The following NALF1 variants were observed in gnomAD, a reference collection of about 807,000 sequenced individuals.
NALF1 encodes NALCN channel auxiliary factor 1.
NALF1 carries 3 observed loss-of-function variants against 48.4 expected under a neutral mutation model. The ratio of observed to expected loss-of-function variants is 0.06; its 90% confidence interval spans 0.03 to 0.16. NALF1 has a LOEUF of 0.16. Ranked by LOEUF, NALF1 falls within the 10% of genes least tolerant of loss-of-function variation. The pLI, the probability that NALF1 is intolerant of heterozygous loss-of-function variation, is 1.00. For missense variants in NALF1, 526 were observed against 571.5 expected (o/e 0.92, Z 0.81); for synonymous variants, 262 against 245.7 (o/e 1.07, Z -0.62).
intron 1 of NALF1, among the ~76,000 whole-genome samples, chr13:107,271,810 A>ATTTATTTATTTATT (rs1287963208): frequency 1.4e-4 from 2 of 13,826 alleles, no homozygotes; most frequent in East Asian, 1.7e-3. Context: ...ATATATATAT[A>ATTTATTTATTTATT]TATATATTTA....
intron 1 of NALF1, among the ~76,000 whole-genome samples, chr13:107,396,318 T>A (rs577137044): frequency 6.6e-6 from 1 of 152,304 alleles, no homozygotes; most frequent in East Asian, 1.9e-4. Flanking sequence ...CAGCTCTTAA[T>A]GGAAGCGTTC....
intron 1 of NALF1, among the ~76,000 whole-genome samples, chr13:107,570,850 T>A (rs1239551974): frequency 6.6e-6 from 1 of 152,058 alleles, no homozygotes. Flanking sequence ...AACAGCTATA[T>A]CCTTTGCACT....
chr13:107,558,004 C>T (rs770695501), intron 1 of NALF1, among the ~76,000 whole-genome samples: 1 of 151,912 alleles, frequency 6.6e-6, no homozygotes, highest in African/African-American at 2.4e-5. Context: ...GGAAAGGTGT[C>T]GGCATTCAGA....
intron 1 of NALF1, among the ~76,000 whole-genome samples, chr13:107,703,623 T>C (rs1287973857): frequency 1.3e-5 from 2 of 152,108 alleles, no homozygotes; most frequent in Non-Finnish European, 2.9e-5. Context: ...AAAGTGCATT[T>C]GCTTAATTTT....
intron 1 of NALF1, among the ~76,000 whole-genome samples, chr13:107,634,719 G>C (rs1403111734): frequency 6.6e-6 from 1 of 152,070 alleles, no homozygotes; most frequent in East Asian, 1.9e-4. Context: ...CAGAACTGCT[G>C]TGGTGAAAAA....
intron 1 of NALF1, among the ~76,000 whole-genome samples, chr13:107,517,941 G>A (rs142293637): frequency 4.2e-4 from 64 of 152,214 alleles, no homozygotes; most frequent in Middle Eastern, 6.8e-3. Flanking sequence ...ATGACACAGC[G>A]AGACACCATC....
intron 1 of NALF1, among the ~76,000 whole-genome samples, chr13:107,619,423 G>T (rs1351576763): frequency 6.6e-6 from 1 of 152,148 alleles, no homozygotes; most frequent in Admixed American, 6.5e-5. Flanking sequence ...CCATCATGAA[G>T]TATCTCATTG....
intron 1 of NALF1, among the ~76,000 whole-genome samples, chr13:107,311,957 C>T (rs1160042964): frequency 1.3e-5 from 2 of 152,142 alleles, no homozygotes; most frequent in Non-Finnish European, 2.9e-5. Flanking sequence ...AATAGGAACA[C>T]TTTTACACTG....
chr13:107,474,651 G>A (rs1247610392), intron 1 of NALF1, among the ~76,000 whole-genome samples: 2 of 152,186 alleles, frequency 1.3e-5, no homozygotes, highest in Non-Finnish European at 2.9e-5. Context: ...TTCAATCAAT[G>A]TATCTGCAGG....
intron 2 of NALF1, among the ~76,000 whole-genome samples, chr13:107,177,322 TA>T (rs926584700): frequency 2.0e-5 from 3 of 152,236 alleles, no homozygotes; most frequent in East Asian, 3.9e-4. Context: ...GCAATCCCTA[TA>T]AAAAAATTAG....
At chr13:107,270,462 G>C (rs1881138220) in intron 1 of NALF1, among the ~76,000 whole-genome samples, 1 of 152,080 alleles carries the variant, frequency 6.6e-6, no homozygotes. Context: ...TAAAAATTAT[G>C]TATTTAGCAG....
chr13:107,226,036 A>C (rs1880096565), intron 1 of NALF1, among the ~76,000 whole-genome samples: 1 of 152,140 alleles, frequency 6.6e-6, no homozygotes, highest in Admixed American at 6.5e-5. Context: ...CTATGGCTTC[A>C]ATAGTCTTTA....
At chr13:107,813,958 A>C (rs1879083914) in intron 1 of NALF1, among the ~76,000 whole-genome samples, 1 of 152,196 alleles carries the variant, frequency 6.6e-6, no homozygotes, top group Non-Finnish European at 1.5e-5. Flanking sequence ...GTAGGTATCC[A>C]AAATACATAG....
intron 1 of NALF1, among the ~76,000 whole-genome samples, chr13:107,317,010 T>C (rs931182379): frequency 6.6e-6 from 1 of 152,136 alleles, no homozygotes; most frequent in Non-Finnish European, 1.5e-5. Flanking sequence ...AAATGAAAGA[T>C]CTTTTCTAGG....
chr13:107,861,600 T>C lies in NALF1; in HGVS notation c.915+4082A>G, dbSNP rs149754389. Among the ~76,000 whole-genome samples the C allele has an allele frequency of 4.5e-3, 679 of 152,278 alleles. 5 individuals carry two copies. Among genetic ancestry groups the C allele is most frequent in the African/African-American group, 0.016 (652 of 41,562 alleles). ...GAGATCGAGACCATCCTGGCTTACA[T>C]GATGAAACACCATCTCTATGAAAAA... On this transcript the variant is annotated intron_variant, in intron 1 of 2. Coordinates refer to ENST00000375915, the MANE Select transcript of NALF1 (RefSeq NM_001080396.3).
chr13:107,488,575 C>G (rs373785498), intron 1 of NALF1, among the ~76,000 whole-genome samples: 36 of 152,086 alleles, frequency 2.4e-4, no homozygotes, highest in Admixed American at 1.3e-3. Context: ...ATTCAACATC[C>G]CTTTATGTTA....
At chr13:107,351,778 T>C (rs920096933) in intron 1 of NALF1, among the ~76,000 whole-genome samples, 1 of 152,220 alleles carries the variant, frequency 6.6e-6, no homozygotes, top group African/African-American at 2.4e-5. Flanking sequence ...TTTTTTAGGT[T>C]GACACTGTCA....
Position 107,866,154 on chromosome 13 carries a change from C to A in NALF1, c.443G>T (p.Gly148Val), listed in dbSNP as rs375243719. The change falls in exon 1 of 3, where the codon GGC (glycine) becomes GTC (valine). Residue 148 changes from glycine to valine, a missense_variant. By Grantham distance (109) the Gly-to-Val change is moderately radical (BLOSUM62 -3). This residue lies in a region of NALF1 where 373 missense variants were observed against 355.5 expected (regional missense o/e 1.05). Coordinates refer to ENST00000375915, the MANE Select transcript of NALF1 (RefSeq NM_001080396.3). This position sits in a 1 kb window ranked among gnomAD's most constrained non-coding sequence, Gnocchi z 4.4. ...AAGAGCCTTGCCCCGGTCGTCTTTG[C>A]CTCGGTTGCCCTTGCCGCCGCCGCC... ...GGGGGGKGNR[G>V]KDDRGKALFL... 2.1e-5 allele frequency: 34 copies of A among 1,607,704 alleles called. No homozygotes were observed. The highest frequency in any genetic ancestry group is 2.7e-5 in the Non-Finnish European group (32 of 1,177,632).
chr13:107,285,081 C>A (rs1400645888), intron 1 of NALF1, among the ~76,000 whole-genome samples: 3 of 152,080 alleles, frequency 2.0e-5, no homozygotes, highest in Non-Finnish European at 4.4e-5. Flanking sequence ...ATGATTAGGA[C>A]CTGTGGCATA....
Sources: gnomAD v4.1 joint callset for allele counts (sites outside exome capture counted in the v4.1 genomes callset) on GRCh38, gnomAD v4.1.1 for gene constraint, gnomAD v4.1.1 regional missense constraint, Gnocchi (gnomAD v3.1) non-coding constraint, MANE v1.5 for transcripts, NCBI Gene and HGNC (gene_info 2026-07-23, HGNC 2026-07-21) for gene names.